MCU: variants seen among roughly 807,000 people sequenced by gnomAD.
MCU encodes calcium uniporter protein, mitochondrial.
A neutral mutation model predicts 45.2 loss-of-function variants in MCU; 12 were observed. That is an observed-to-expected ratio of 0.27 (90% CI 0.17 to 0.43). The LOEUF is 0.43. Among genes scored for constraint, MCU ranks in the 20% least tolerant of loss-of-function variants. The pLI, the probability that MCU is intolerant of heterozygous loss-of-function variation, is 1.00. For synonymous variants in MCU, 160 were observed against 165.1 expected (o/e 0.97, Z 0.24); for missense variants, 324 against 436.7 (o/e 0.74, Z 2.30).
At chr10:72,760,158 C>T (rs1843634435) in intron 1 of MCU, among the ~76,000 whole-genome samples, 1 of 152,040 alleles carries the variant, frequency 6.6e-6, no homozygotes. Context: ...GATCTTCCTA[C>T]CTCAGCCTCC....
intron 1 of MCU, chr10:72,766,818 T>C (rs1324694905): frequency 6.6e-6 from 1 of 152,224 alleles, no homozygotes; most frequent in Non-Finnish European, 1.5e-5. Context: ...TTCCTTCTGA[T>C]TTAAATAAAT....
At chr10:72,725,750 G>A (rs929275307) in intron 1 of MCU, among the ~76,000 whole-genome samples, 1 of 152,078 alleles carries the variant, frequency 6.6e-6, no homozygotes, top group African/African-American at 2.4e-5. Flanking sequence ...TGGGCATGGT[G>A]GTGGGCACCT....
At chr10:72,735,035 C>T (rs550382955) in intron 1 of MCU, among the ~76,000 whole-genome samples, 4 of 150,078 alleles carry the variant, frequency 2.7e-5, no homozygotes, top group African/African-American at 9.8e-5. Context: ...GTGATCGGGC[C>T]ACCGCAGTGC....
chr10:72,738,566 T>C (rs990448672), intron 1 of MCU, among the ~76,000 whole-genome samples: 1 of 152,244 alleles, frequency 6.6e-6, no homozygotes, highest in African/African-American at 2.4e-5. Context: ...TCAGCCCGTA[T>C]TTTAATAGTT....
At chr10:72,776,253 A>C (rs1397037134) in intron 1 of MCU, among the ~76,000 whole-genome samples, 2 of 152,200 alleles carry the variant, frequency 1.3e-5, no homozygotes, top group East Asian at 3.9e-4. Context: ...AAAACAGATA[A>C]GGACCCAAGA....
chr10:72,838,050 A>C (rs947617068), intron 2 of MCU, among the ~76,000 whole-genome samples: 30 of 150,980 alleles, frequency 2.0e-4, no homozygotes, highest in South Asian at 6.3e-4. Flanking sequence ...TTTAGTAGAG[A>C]CGGGGTTTCA....
rs911521830 is a variant in MCU at position 72,786,688 on chromosome 10, A to G, written c.151-47671A>G. On this transcript the variant is annotated intron_variant, in intron 1 of 7. Transcript: ENST00000373053. ...TTGAACCCAGCAGGTGGAGGTTGCA[A>G]TGAGCCGAGATTGTGCCACTTCACT... Among the ~76,000 whole-genome samples, 4 of 152,226 alleles carry G rather than the reference A, an allele frequency of 2.6e-5. No homozygotes were observed. The East Asian group carries it at 7.7e-4, about 29-fold the overall frequency.
At chr10:72,700,381 C>T (rs1275774575) in intron 1 of MCU, among the ~76,000 whole-genome samples, 3 of 152,104 alleles carry the variant, frequency 2.0e-5, no homozygotes, top group African/African-American at 4.8e-5. Flanking sequence ...AAGTACCTAA[C>T]GTCAAAGTCA....
At chr10:72,709,527 C>A (rs1053112687) in intron 1 of MCU, among the ~76,000 whole-genome samples, 1 of 152,030 alleles carries the variant, frequency 6.6e-6, no homozygotes, top group East Asian at 1.9e-4. Flanking sequence ...TTTTCCTGAT[C>A]TGTGAATGCT....
At chr10:72,855,119 G>A (rs1162918016) in intron 2 of MCU, among the ~76,000 whole-genome samples, 1 of 151,982 alleles carries the variant, frequency 6.6e-6, no homozygotes, top group Non-Finnish European at 1.5e-5. Context: ...GGTACCTGTA[G>A]TCTCAGCTAC....
intron 1 of MCU, among the ~76,000 whole-genome samples, chr10:72,725,840 C>T (rs1843090980): frequency 6.6e-6 from 1 of 151,820 alleles, no homozygotes; most frequent in Admixed American, 6.6e-5. Context: ...GCCAAGATTG[C>T]ACCATTGCAC....
At chr10:72,706,308 T>C (rs925231942) in intron 1 of MCU, among the ~76,000 whole-genome samples, 14 of 151,874 alleles carry the variant, frequency 9.2e-5, no homozygotes, top group Admixed American at 7.9e-4. Flanking sequence ...ATTAGAAATA[T>C]AGATATATGA....
chr10:72,738,462 C>T (rs1315344997), intron 1 of MCU, among the ~76,000 whole-genome samples: 3 of 152,036 alleles, frequency 2.0e-5, no homozygotes, highest in Admixed American at 6.5e-5. Context: ...AACAAAGAGC[C>T]TTTCTAGAAA....
intron 1 of MCU, among the ~76,000 whole-genome samples, chr10:72,783,864 A>G (rs1324826838): frequency 1.3e-5 from 2 of 152,104 alleles, no homozygotes; most frequent in African/African-American, 2.4e-5. Context: ...TTCTTTCTTT[A>G]TTTCTTTTTA....
intron 1 of MCU, among the ~76,000 whole-genome samples, chr10:72,792,300 C>A (rs564900830): frequency 1.4e-4 from 22 of 152,082 alleles, no homozygotes; most frequent in African/African-American, 4.8e-4. Flanking sequence ...GTGTTTTTGG[C>A]CTAAAAGGAC....
At chr10:72,819,727 C>CTTTTTTTTTTTTTTTTT (rs71021538) in intron 1 of MCU, among the ~76,000 whole-genome samples, 1 of 102,604 alleles carries the variant, frequency 9.7e-6, no homozygotes, top group Non-Finnish European at 1.9e-5. Flanking sequence ...TTTTTCCAGT[C>CTTTTTTTTTTTTTTTTT]TTTTTTTTTT....
chr10:72,865,763 G>GTTTTT (rs111556239), intron 4 of MCU, among the ~76,000 whole-genome samples: 2 of 125,312 alleles, frequency 1.6e-5, no homozygotes, highest in Non-Finnish European at 3.5e-5. Flanking sequence ...GTGTGGTTTT[G>GTTTTT]TTTTTTTTTT....
chr10:72,780,511 A>AGAGTGTGTGT (rs778332838), intron 1 of MCU, among the ~76,000 whole-genome samples: 2 of 110,658 alleles, frequency 1.8e-5, no homozygotes, highest in South Asian at 3.8e-4. Context: ...TCTTTGGCTA[A>AGAGTGTGTGT]GTGTGTGTGT....
At chr10:72,719,590 A>C (rs545475708) in intron 1 of MCU, among the ~76,000 whole-genome samples, 1 of 152,276 alleles carries the variant, frequency 6.6e-6, no homozygotes, top group Non-Finnish European at 1.5e-5. Context: ...TGTGTATTTT[A>C]CATGTTCTTT....
Sources: allele counts gnomAD v4.1 joint callset (sites outside exome capture counted in the v4.1 genomes callset), GRCh38; gene constraint gnomAD v4.1.1; transcripts MANE v1.5; gene names NCBI Gene and HGNC (gene_info 2026-07-23, HGNC 2026-07-21).